The following SPMAP2 variants were observed in gnomAD, a reference collection of about 807,000 sequenced individuals.
The protein encoded by SPMAP2 is Theg homolog.
the SPMAP2 span, chr19:375,836 G>C: frequency 1.9e-6 from 3 of 1,604,462 alleles, no homozygotes; most frequent in Non-Finnish European, 2.6e-6. Context: ...CCTGGCGTTC[G>C]GGGTCTGTGA....
the SPMAP2 span, chr19:371,317 G>A: frequency 6.8e-7 from 1 of 1,469,384 alleles, no homozygotes; most frequent in Non-Finnish European, 9.0e-7. Flanking sequence ...CCAGACAGGA[G>A]TCGTCCTGGG....
the SPMAP2 span, chr19:371,389 T>C: frequency 1.6e-6 from 1 of 636,148 alleles, no homozygotes; most frequent in Non-Finnish European, 2.5e-6. Flanking sequence ...TGTGTGTGTG[T>C]GTGTGTGTGT....
the SPMAP2 span, chr19:367,013 T>G: frequency 1.6e-5 from 26 of 1,589,920 alleles, no homozygotes; most frequent in Middle Eastern, 1.7e-4. Flanking sequence ...AAGGTGTCCC[T>G]TGGGATCTGA....
chr19:362,504 A>C, the SPMAP2 span: 5 of 1,220,620 alleles, frequency 4.1e-6, no homozygotes, highest in African/African-American at 1.5e-5. Flanking sequence ...ATGGGAGCTC[A>C]CACCTGGAAT....
chr19:374,086 C>T, the SPMAP2 span: 1 of 1,532,878 alleles, frequency 6.5e-7, no homozygotes, highest in Non-Finnish European at 8.9e-7. Flanking sequence ...TCCTCACTCT[C>T]CTTTGGCCAC....
chr19:370,828 G>A, the SPMAP2 span, among the ~76,000 whole-genome samples: 6 of 149,706 alleles, frequency 4.0e-5, no homozygotes, highest in South Asian at 1.3e-3. Context: ...CAAGCCCGCA[G>A]GCTGCGGGGT....
At chr19:362,391 G>T in the SPMAP2 span, 1 of 1,608,382 alleles carries the variant, frequency 6.2e-7, no homozygotes, top group South Asian at 1.1e-5. Context: ...CGAGGATCTC[G>T]GTCAGGAACG....
the SPMAP2 span, chr19:372,691 C>T: frequency 1.6e-5 from 26 of 1,613,884 alleles, no homozygotes; most frequent in Middle Eastern, 1.6e-4. Flanking sequence ...CTCCACGCGG[C>T]GGGACACCGC....
the SPMAP2 span, chr19:362,199 C>A: frequency 6.7e-7 from 1 of 1,492,662 alleles, no homozygotes; most frequent in Non-Finnish European, 9.0e-7. Context: ...GAGCGGAGGT[C>A]TTAGAGGCCA....
the SPMAP2 span, among the ~76,000 whole-genome samples, chr19:362,798 C>G: frequency 6.7e-6 from 1 of 149,868 alleles, no homozygotes; most frequent in Admixed American, 6.6e-5. Flanking sequence ...AAAAGCTCCC[C>G]CATTCAAACG....
chr19:372,698 CCG>C, the SPMAP2 span: 1 of 1,614,034 alleles, frequency 6.2e-7, no homozygotes, highest in South Asian at 1.1e-5. Context: ...CGGCGGGACA[CCG>C]CTATGCAAAA....
the SPMAP2 span, chr19:374,195 C>T: frequency 2.6e-6 from 4 of 1,550,890 alleles, no homozygotes; most frequent in African/African-American, 5.4e-5. Flanking sequence ...GTGGTGGCAG[C>T]TGGGGGAGGG....
the SPMAP2 span, chr19:375,887 G>A: frequency 1.3e-6 from 2 of 1,555,630 alleles, no homozygotes. Flanking sequence ...GGCCACGGGG[G>A]TCGCCGTCCT....
the SPMAP2 span, chr19:373,649 G>C: frequency 2.1e-6 from 2 of 960,502 alleles, no homozygotes; most frequent in Non-Finnish European, 3.2e-6. Context: ...GCTGGGAGAG[G>C]GGGTAGGCCA....
the SPMAP2 span, chr19:362,464 A>T: frequency 7.9e-6 from 12 of 1,509,922 alleles, no homozygotes; most frequent in African/African-American, 1.4e-4. Context: ...ACTGAAGCTC[A>T]AACCTCAAAG....
the SPMAP2 span, chr19:371,333 T>C: frequency 7.0e-7 from 1 of 1,430,890 alleles, no homozygotes; most frequent in Non-Finnish European, 9.2e-7. Context: ...CTGGGGGAGG[T>C]CCCCATTTTA....
chr19:362,514 TC>T, the SPMAP2 span: 1 of 1,100,206 alleles, frequency 9.1e-7, no homozygotes, highest in Non-Finnish European at 1.3e-6. Context: ...ACACCTGGAA[TC>T]CCAGCACTGT....
chr19:372,181 GAT>G, the SPMAP2 span, among the ~76,000 whole-genome samples: 19,391 of 152,270 alleles, frequency 0.13, 1,624 homozygotes, highest in African/African-American at 0.21. Context: ...CTGCATAAAA[GAT>G]GGGTAATTAT....
the SPMAP2 span, among the ~76,000 whole-genome samples, chr19:373,737 G>A: frequency 6.6e-6 from 1 of 152,042 alleles, no homozygotes; most frequent in Non-Finnish European, 1.5e-5. Context: ...GAGGTAGCTG[G>A]GGGAGAAGCA....
Sources: allele counts gnomAD v4.1 joint callset (sites outside exome capture counted in the v4.1 genomes callset), GRCh38; gene constraint gnomAD v4.1.1; transcripts MANE v1.5; gene names NCBI Gene and HGNC (gene_info 2026-07-23, HGNC 2026-07-21).